RNF212: variants seen among roughly 807,000 people sequenced by gnomAD.
The protein encoded by RNF212 is ring finger protein 212.
Under a neutral mutation model 34.7 loss-of-function variants are expected in RNF212, and 33 were observed. The ratio of observed to expected loss-of-function variants is 0.95; its 90% confidence interval spans 0.72 to 1.27. RNF212 has a LOEUF of 1.27. Among genes scored for constraint, RNF212 ranks in the 50% most tolerant of loss-of-function variants. RNF212 has a pLI of 0.00. For synonymous variants in RNF212, 140 were observed against 136.1 expected, an observed-to-expected ratio of 1.03 and a Z score of -0.20; for missense variants, 377 against 362.2, an observed-to-expected ratio of 1.04 and a Z score of -0.33.
At chr4:1,058,930 G>A (rs556075915) in intron 3 of RNF212, among the ~76,000 whole-genome samples, 11 of 152,334 alleles carry the variant, frequency 7.2e-5, no homozygotes, top group East Asian at 1.9e-4. Flanking sequence ...GAGAACTGCC[G>A]GAAGGGCAAA....
At chr4:1,081,656 A>G (rs1720369657) in intron 5 of RNF212, 37 bp from the exon 6 acceptor site, 3 of 1,447,900 alleles carry the variant, frequency 2.1e-6, no homozygotes, top group Non-Finnish European at 1.9e-6. Flanking sequence ...ATTAAATCAT[A>G]AAAACTGACT....
At chr4:1,064,162 A>G (rs578059835) in intron 3 of RNF212, among the ~76,000 whole-genome samples, 1 of 152,328 alleles carries the variant, frequency 6.6e-6, no homozygotes, top group African/African-American at 2.4e-5. Flanking sequence ...TAATTCAGGA[A>G]ATAATGACAA....
chr4:1,063,743 G>C (rs1350971376), intron 3 of RNF212, among the ~76,000 whole-genome samples: 1 of 151,710 alleles, frequency 6.6e-6, no homozygotes, highest in South Asian at 2.1e-4. Flanking sequence ...GTGTGGTGGT[G>C]CATGCCTACA....
chr4:1,079,660 G>A lies in RNF212; in HGVS notation c.493C>T (p.Pro165Ser). The A allele has an allele frequency of 2.5e-6, 4 of 1,610,908 alleles. No individual in the cohort carries two copies. Among genetic ancestry groups the A allele is most frequent in the South Asian group, 1.1e-5 (1 of 91,008 alleles). ...RLESMEVDLSPSPIRKSEIAA... is the reference protein window; with the variant it reads ...RLESMEVDLSSSPIRKSEIAA... ...GCACTTACTTTTCTAATCGGAGAAG[G>A]AGAGAGATCAACTTCCATCGACTCC... Residue 165 changes from proline (P) to serine (S), a missense_variant, in exon 8 of 10, where the codon CCT (proline) becomes TCT (serine). Physicochemically the swap from Pro to Ser is moderately conservative, Grantham distance 74 (BLOSUM62 -1). Transcript: ENST00000433731.
chr4:1,056,625 TC>T, intron 4 of RNF212: 1 of 448,488 alleles, frequency 2.2e-6, no homozygotes, highest in South Asian at 9.4e-5. Flanking sequence ...CAGAGTATTA[TC>T]AATATGTTTA....
chr4:1,105,803 T>C (rs973586522), intron 2 of RNF212, among the ~76,000 whole-genome samples: 1 of 152,238 alleles, frequency 6.6e-6, no homozygotes, highest in African/African-American at 2.4e-5. Flanking sequence ...TGGTGATGTC[T>C]CCTCACATTC....
In RNF212 at chr4:1,113,436, C is replaced by A; in HGVS notation, c.29G>T (p.Cys10Phe). MANWVFCNR[C>F]FQPPHRTSCF... ...CGACGTCCTGTGGGGCGGCTGGAAGCAGCGATTACAGAACACCCAGTTGGC... is the reference window on the plus strand; with the variant it reads ...CGACGTCCTGTGGGGCGGCTGGAAGAAGCGATTACAGAACACCCAGTTGGC... Residue 10 changes from cysteine to phenylalanine, a missense_variant, in exon 1 of 10, where the codon TGC becomes TTC. By Grantham distance (205) the Cys-to-Phe change is radical (BLOSUM62 -2). Transcript: ENST00000433731. 6.2e-7 allele frequency: 1 copy of A among 1,608,108 alleles called. No homozygotes were observed. The highest frequency in any genetic ancestry group is 8.5e-7 in the Non-Finnish European group (1 of 1,178,070).
intron 8 of RNF212, 27 bp downstream of exon 8, chr4:1,079,616 G>A (rs1560111044): frequency 2.0e-6 from 3 of 1,520,896 alleles, no homozygotes; most frequent in South Asian, 2.2e-5. Context: ...GGTATACAGA[G>A]GAACTCAGCA....
intron 3 of RNF212, among the ~76,000 whole-genome samples, chr4:1,063,166 G>T (rs922135556): frequency 6.6e-6 from 1 of 152,124 alleles, no homozygotes; most frequent in Admixed American, 6.6e-5. Context: ...AAACTCTACC[G>T]AGATTTCAAC....
At chr4:1,078,380 G>A (rs1052079686) in intron 8 of RNF212, among the ~76,000 whole-genome samples, 1 of 152,094 alleles carries the variant, frequency 6.6e-6, no homozygotes, top group Admixed American at 6.5e-5. Context: ...TCCCGTTTCC[G>A]AGCTGCCTGG....
intron 3 of RNF212, among the ~76,000 whole-genome samples, chr4:1,059,344 G>C (rs1270733888): frequency 1.3e-5 from 2 of 152,268 alleles, no homozygotes; most frequent in Non-Finnish European, 2.9e-5. Flanking sequence ...AAGAAGGAAA[G>C]CTGTCTTACT....
At chr4:1,111,013 G>T (rs1402192299) in intron 1 of RNF212, among the ~76,000 whole-genome samples, 1 of 152,114 alleles carries the variant, frequency 6.6e-6, no homozygotes, top group African/African-American at 2.4e-5. Flanking sequence ...GACGCTCTGA[G>T]CCCTGTCTTC....
intron 2 of RNF212, chr4:1,100,105 A>G (rs1452055705): frequency 2.9e-6 from 1 of 345,092 alleles, no homozygotes; most frequent in African/African-American, 2.2e-5. Context: ...CTTCCTTGCT[A>G]GAGTCTCGGC....
intron 2 of RNF212, among the ~76,000 whole-genome samples, chr4:1,104,225 T>C (rs1252113807): frequency 6.6e-6 from 1 of 152,242 alleles, no homozygotes; most frequent in Non-Finnish European, 1.5e-5. Context: ...TCTGTGGAAA[T>C]TGACGACATG....
chr4:1,081,654 A>G (rs773894178), intron 5 of RNF212, 35 bp from the exon 6 acceptor site: 2 of 1,483,532 alleles, frequency 1.3e-6, no homozygotes. Context: ...GAATTAAATC[A>G]TAAAAACTGA....
intron 5 of RNF212, among the ~76,000 whole-genome samples, chr4:1,085,179 G>A (rs1182240668): frequency 6.6e-6 from 1 of 152,250 alleles, no homozygotes; most frequent in Non-Finnish European, 1.5e-5. Context: ...AGAATCTAAG[G>A]CATTGCTGAG....
chr4:1,113,662 T>G, upstream of RNF212: 2 of 476,148 alleles, frequency 4.2e-6, no homozygotes, highest in Non-Finnish European at 7.4e-6. Flanking sequence ...GGAGGGCGCG[T>G]GTGACTCGTC....
At chr4:1,057,619 A>G (rs1296488967) in intron 4 of RNF212, among the ~76,000 whole-genome samples, 1 of 152,196 alleles carries the variant, frequency 6.6e-6, no homozygotes, top group South Asian at 2.1e-4. Flanking sequence ...CAGCTGCCCC[A>G]AAAACCAAAC....
intron 4 of RNF212, among the ~76,000 whole-genome samples, chr4:1,089,576 T>C (rs1371001470): frequency 2.6e-5 from 4 of 152,242 alleles, no homozygotes; most frequent in Admixed American, 1.3e-4. Context: ...TTTTGAAATG[T>C]TAGAAGGATA....
Sources: gnomAD v4.1 joint callset for allele counts (sites outside exome capture counted in the v4.1 genomes callset) on GRCh38, gnomAD v4.1.1 for gene constraint, MANE v1.5 for transcripts, NCBI Gene and HGNC (gene_info 2026-07-23, HGNC 2026-07-21) for gene names.